Variants in KLRF1 observed in about 807,000 individuals in gnomAD.
KLRF1 encodes killer cell lectin like receptor F1.
In KLRF1, 27 loss-of-function variants were observed where a neutral mutation model predicts 30.7. The ratio of observed to expected loss-of-function variants is 0.88; its 90% CI spans 0.65 to 1.21. The LOEUF (loss-of-function observed/expected upper bound fraction) is 1.21, where lower values mean the gene tolerates loss of function less well. Among genes scored for constraint, KLRF1 ranks in the 50% most tolerant of loss-of-function variants. The probability of loss-of-function intolerance (pLI) is 0.00; values close to 1 mark genes in which losing one functional copy is unlikely to be tolerated. For synonymous variants in KLRF1, 92 were observed against 89.3 expected (o/e 1.03, Z -0.17); for missense variants, 246 against 259.3 (o/e 0.95, Z 0.35).
Position 9,827,646 on chromosome 12 carries a change from CA to C in KLRF1, c.85+18del. 6.9e-7 allele frequency: 1 copy of C among 1,449,446 alleles called. No homozygotes were observed. Among genetic ancestry groups the C allele is most frequent in the Non-Finnish European group, 9.7e-7 (1 of 1,033,348 alleles). The allele number at this position is 1,449,446 out of a possible 1,614,324, so 89.8% of individuals were successfully genotyped here. A position where few individuals can be genotyped will look rare whatever the true frequency, so the allele number is the denominator to read the frequency against. On this transcript the variant is annotated intron_variant, in intron 1 of 5. Transcript: ENST00000617889. ...CATTTAAAGGTATGGAATTTAATTTCATTTTTTCAATTGGTGTGAATTAACA... is the reference window on the plus strand; with the variant it reads ...CATTTAAAGGTATGGAATTTAATTTCTTTTTTCAATTGGTGTGAATTAACA...
chr12:9,802,608 C>T, the KLRF1 span, among the ~76,000 whole-genome samples: 2 of 152,136 alleles, frequency 1.3e-5, no homozygotes, highest in East Asian at 3.9e-4. Flanking sequence ...AGCCTAAAAA[C>T]TCCTTAATGA....
At chr12:9,823,358 G>A (rs1295081428), upstream of KLRF1, among the ~76,000 whole-genome samples, 1 of 151,938 alleles carries the variant, frequency 6.6e-6, no homozygotes, top group African/African-American at 2.4e-5. Flanking sequence ...CAATTACATG[G>A]GAATTAAACA....
chr12:9,840,449 T>C (rs1407575008), intron 3 of KLRF1, among the ~76,000 whole-genome samples: 1 of 152,124 alleles, frequency 6.6e-6, no homozygotes, highest in African/African-American at 2.4e-5. Context: ...TATTTTTATA[T>C]ATATCTCACT....
intron 3 of KLRF1, among the ~76,000 whole-genome samples, chr12:9,838,179 G>A (rs1396925390): frequency 6.6e-6 from 1 of 152,020 alleles, no homozygotes; most frequent in Non-Finnish European, 1.5e-5. Context: ...TAGGGATATG[G>A]TGAGCATGCA....
chr12:9,811,530 G>A, the KLRF1 span, among the ~76,000 whole-genome samples: 5 of 152,080 alleles, frequency 3.3e-5, no homozygotes, highest in South Asian at 1.0e-3. Flanking sequence ...CCCCTTAATG[G>A]TCCCAAACTA....
chr12:9,804,864 G>A, the KLRF1 span, among the ~76,000 whole-genome samples: 1 of 151,906 alleles, frequency 6.6e-6, no homozygotes, highest in African/African-American at 2.4e-5. Context: ...TTATATGTCA[G>A]TTGGGAAGAT....
the KLRF1 span, among the ~76,000 whole-genome samples, chr12:9,819,460 T>G: frequency 3.0e-4 from 45 of 152,310 alleles, 1 homozygote; most frequent in East Asian, 8.7e-3. Context: ...TTAGCCATTG[T>G]TGCCAAAATC....
At chr12:9,808,809 C>T in the KLRF1 span, among the ~76,000 whole-genome samples, 1 of 152,088 alleles carries the variant, frequency 6.6e-6, no homozygotes, top group Non-Finnish European at 1.5e-5. Flanking sequence ...AAAGACTTAT[C>T]ACATTAATGG....
the KLRF1 span, among the ~76,000 whole-genome samples, chr12:9,815,166 C>A: frequency 2.0e-5 from 3 of 152,228 alleles, no homozygotes; most frequent in East Asian, 3.9e-4. Context: ...AACAAGAATA[C>A]TTTTCTTATA....
chr12:9,812,754 G>C, the KLRF1 span, among the ~76,000 whole-genome samples: 68 of 152,270 alleles, frequency 4.5e-4, no homozygotes, highest in Middle Eastern at 3.4e-3. Flanking sequence ...TATTACCTTA[G>C]AGAGAATGGA....
Position 9,841,964 on chromosome 12 carries a change from G to T in KLRF1, c.474+13G>T, listed in dbSNP as rs769918620. The T allele has an allele frequency of 8.1e-6, 13 of 1,603,386 alleles. No individual in the cohort carries two copies. Among genetic ancestry groups the T allele is most frequent in the Admixed American group, 1.7e-5 (1 of 57,646 alleles). Reference sequence around the variant, plus strand: ...CCAACTTGAAATGGTAATTGGTCTAGTATCAGGGTTATGGCATCTTTGCAG... The same window carrying T: ...CCAACTTGAAATGGTAATTGGTCTATTATCAGGGTTATGGCATCTTTGCAG... On this transcript the variant is annotated intron_variant, in intron 4 of 5. Coordinates refer to ENST00000617889, the MANE Select transcript of KLRF1 (RefSeq NM_016523.3).
the KLRF1 span, among the ~76,000 whole-genome samples, chr12:9,801,993 C>G: frequency 6.6e-6 from 1 of 151,692 alleles, no homozygotes; most frequent in African/African-American, 2.4e-5. Context: ...TTTCTGAGGC[C>G]AGAATCATCC....
At chr12:9,815,075 A>G in the KLRF1 span, among the ~76,000 whole-genome samples, 1 of 152,254 alleles carries the variant, frequency 6.6e-6, no homozygotes, top group Non-Finnish European at 1.5e-5. Context: ...CAACCGATGC[A>G]TGTATCAAAA....
chr12:9,830,847 TTG>T (rs1867404866), intron 1 of KLRF1, among the ~76,000 whole-genome samples: 1 of 152,072 alleles, frequency 6.6e-6, no homozygotes, highest in Non-Finnish European at 1.5e-5. Context: ...GTTAAAAGGC[TTG>T]TGTTTTAACC....
chr12:9,822,577 A>G (rs1867238745), upstream of KLRF1, among the ~76,000 whole-genome samples: 1 of 152,236 alleles, frequency 6.6e-6, no homozygotes, highest in African/African-American at 2.4e-5. Context: ...TGGCATAATA[A>G]CCAACTAACA....
chr12:9,802,711 A>G, the KLRF1 span, among the ~76,000 whole-genome samples: 2 of 152,078 alleles, frequency 1.3e-5, no homozygotes, highest in Non-Finnish European at 2.9e-5. Flanking sequence ...CCCATTCACA[A>G]TTGCTATGAA....
At chr12:9,823,021 C>T (rs113691817), upstream of KLRF1, among the ~76,000 whole-genome samples, 23 of 152,134 alleles carry the variant, frequency 1.5e-4, no homozygotes, top group African/African-American at 5.1e-4. Context: ...TAGTGGGAGA[C>T]TTTAACACTC....
At chr12:9,824,948 C>T (rs1867263874), upstream of KLRF1, among the ~76,000 whole-genome samples, 1 of 152,112 alleles carries the variant, frequency 6.6e-6, no homozygotes, top group South Asian at 2.1e-4. Context: ...AATTACAAAA[C>T]ATTGCTTAAA....
chr12:9,822,549 G>A (rs1342845421), upstream of KLRF1, among the ~76,000 whole-genome samples: 1 of 152,166 alleles, frequency 6.6e-6, no homozygotes, highest in African/African-American at 2.4e-5. Flanking sequence ...TCCCTGAAAG[G>A]GATGGGGAGA....
Sources: allele counts gnomAD v4.1 joint callset (sites outside exome capture counted in the v4.1 genomes callset), GRCh38; gene constraint gnomAD v4.1.1; transcripts MANE v1.5; gene names NCBI Gene and HGNC (gene_info 2026-07-23, HGNC 2026-07-21).